The following ZNF518A variants were observed in gnomAD, a reference collection of about 807,000 sequenced individuals.
ZNF518A encodes the protein zinc finger protein 518.
Under a neutral mutation model 102.7 loss-of-function variants are expected in ZNF518A, and 47 were observed. That is an observed-to-expected ratio of 0.46 (90% confidence interval 0.36 to 0.58). The LOEUF (loss-of-function observed/expected upper bound fraction) is 0.58, where lower values mean the gene tolerates loss of function less well. Among genes scored for constraint, ZNF518A ranks in the 20% least tolerant of loss-of-function variants. ZNF518A has a pLI of 0.00. For synonymous variants in ZNF518A, 652 were observed against 594.6 expected, an observed-to-expected ratio of 1.10 and a Z score of -1.40; for missense variants, 1,793 against 1,699.8, an observed-to-expected ratio of 1.05 and a Z score of -0.96.
chr10:96,170,813 A>T (rs587757936), intron 1 of ZNF518A, among the ~76,000 whole-genome samples: 33 of 152,342 alleles, frequency 2.2e-4, no homozygotes, highest in Non-Finnish European at 4.3e-4. Flanking sequence ...GATTGGGAAG[A>T]AATGTTGTAT....
intron 1 of ZNF518A, chr10:96,189,723 A>T: frequency 4.2e-6 from 3 of 721,956 alleles, no homozygotes; most frequent in Non-Finnish European, 7.6e-6. Flanking sequence ...CATCATCATC[A>T]TCATCATCAT....
At chr10:96,192,149 C>T (rs1554893613) in intron 1 of ZNF518A, 2 of 1,600,000 alleles carry the variant, frequency 1.3e-6, no homozygotes, top group Non-Finnish European at 1.7e-6. Context: ...AATTTGAGCT[C>T]CACTCCTCCC....
Position 96,130,341 on chromosome 10 carries a change from G to A in ZNF518A, c.-864G>A, listed in dbSNP as rs1554870972. The stretch of plus-strand genomic sequence containing the variant: ...CTGGAGAAGTCGGGGTTTTTTTGCC[G>A]AGCGCTTTTGCCGACTGCTAGAGCT... On this transcript the variant is annotated 5_prime_UTR_variant, in exon 1 of 6. Coordinates refer to ENST00000316045, the MANE Select transcript of ZNF518A (RefSeq NM_001330736.2). Among the ~76,000 whole-genome samples the A allele has an allele frequency of 1.3e-5, 2 of 152,340 alleles. No individual in the cohort carries two copies. The highest frequency in any genetic ancestry group is 4.8e-5 in the African/African-American group (2 of 41,584).
intron 3 of ZNF518A, among the ~76,000 whole-genome samples, chr10:96,145,103 T>G (rs2082112107): frequency 1.4e-5 from 1 of 73,412 alleles, no homozygotes; most frequent in Non-Finnish European, 3.2e-5. Context: ...GGAGTCTCGC[T>G]CTGTCGCCCA....
In ZNF518A at chr10:96,157,349, A is replaced by G. The variant is rs782057196; in HGVS notation, c.1027A>G (p.Lys343Glu). ...INSGSDRSIE[K>E]NTQVLKKMNK... is the part of the protein sequence containing the mutation. Reference sequence around the variant, plus strand: ...CAGTGGAAGTGACAGAAGTATAGAAAAGAACACTCAAGTGCTTAAGAAAAT... The same window carrying G: ...CAGTGGAAGTGACAGAAGTATAGAAGAGAACACTCAAGTGCTTAAGAAAAT... The change falls in exon 6 of 6, where the codon AAG becomes GAG. Residue 343 changes from lysine to glutamate, a missense_variant. Physicochemically the swap from Lys to Glu is moderately conservative, Grantham distance 56 (BLOSUM62 1). Around this residue, in one of 3 missense-constraint regions of ZNF518A, gnomAD observed 1,741 missense variants for 1,622.6 expected, o/e 1.07. Transcript: ENST00000316045. 1 of 1,610,832 alleles carries G rather than the reference A, an allele frequency of 6.2e-7. No homozygotes were observed. The highest frequency in any genetic ancestry group is 8.5e-7 in the Non-Finnish European group (1 of 1,178,310).
intron 1 of ZNF518A, among the ~76,000 whole-genome samples, chr10:96,174,211 C>G (rs1227199017): frequency 6.6e-6 from 1 of 151,174 alleles, no homozygotes; most frequent in African/African-American, 2.4e-5. Context: ...CCACAATAAA[C>G]AAGAAGAAAG....
intron 1 of ZNF518A, among the ~76,000 whole-genome samples, chr10:96,193,617 C>T (rs1215170830): frequency 6.6e-6 from 1 of 152,152 alleles, no homozygotes; most frequent in African/African-American, 2.4e-5. Flanking sequence ...CCCTCACTCT[C>T]CTTTTTTTCT....
chr10:96,145,665 A>G (rs1350539598), intron 3 of ZNF518A, among the ~76,000 whole-genome samples: 2 of 152,172 alleles, frequency 1.3e-5, no homozygotes, highest in Non-Finnish European at 2.9e-5. Context: ...TGATACCTGT[A>G]TTGTTTTGAT....
At chr10:96,169,708 T>C (rs1217555834) in intron 1 of ZNF518A, among the ~76,000 whole-genome samples, 3 of 152,254 alleles carry the variant, frequency 2.0e-5, no homozygotes, top group Non-Finnish European at 4.4e-5. Context: ...TGGGTCATAC[T>C]TTGCTCTGCA....
intron 1 of ZNF518A, among the ~76,000 whole-genome samples, chr10:96,201,619 G>C (rs2083637669): frequency 6.6e-6 from 1 of 152,218 alleles, no homozygotes; most frequent in South Asian, 2.1e-4. Context: ...ATTATTTTAA[G>C]AGTGTTAAAG....
At chr10:96,195,198 G>A (rs1554894416) in intron 1 of ZNF518A, among the ~76,000 whole-genome samples, 1 of 152,102 alleles carries the variant, frequency 6.6e-6, no homozygotes, top group African/African-American at 2.4e-5. Context: ...TTAAACCCTC[G>A]TGTGCTGTTG....
chr10:96,143,787 T>G (rs1028804567), intron 3 of ZNF518A, among the ~76,000 whole-genome samples: 2 of 152,240 alleles, frequency 1.3e-5, no homozygotes, highest in South Asian at 4.1e-4. Context: ...CCTATTGATT[T>G]GGTTTTCTGG....
At chr10:96,166,759 T>C (rs930141104), downstream of ZNF518A, among the ~76,000 whole-genome samples, 5 of 151,998 alleles carry the variant, frequency 3.3e-5, no homozygotes, top group Non-Finnish European at 7.4e-5. Flanking sequence ...AGAGCGAGAC[T>C]CTGTCTCAAA....
intron 1 of ZNF518A, among the ~76,000 whole-genome samples, chr10:96,184,184 C>A (rs2083257156): frequency 6.6e-6 from 1 of 152,080 alleles, no homozygotes; most frequent in Non-Finnish European, 1.5e-5. Flanking sequence ...TTATTTTGAG[C>A]CTATGTGTGT....
chr10:96,134,091 A>G (rs2081477022), intron 3 of ZNF518A, among the ~76,000 whole-genome samples: 1 of 152,232 alleles, frequency 6.6e-6, no homozygotes, highest in South Asian at 2.1e-4. Context: ...AAACTTTTTG[A>G]GTGCTGACAT....
At chr10:96,199,119 A>C (rs1463150930) in intron 1 of ZNF518A, among the ~76,000 whole-genome samples, 1 of 152,246 alleles carries the variant, frequency 6.6e-6, no homozygotes, top group Non-Finnish European at 1.5e-5. Flanking sequence ...CCACCAAAGG[A>C]CTGACGGAAC....
At chr10:96,139,075 A>G (rs782252003) in intron 3 of ZNF518A, among the ~76,000 whole-genome samples, 10 of 151,866 alleles carry the variant, frequency 6.6e-5, no homozygotes, top group South Asian at 2.1e-4. Context: ...CATTTCAAGT[A>G]GGGAACAGCA....
Position 96,163,033 on chromosome 10 carries a change from A to G in ZNF518A, c.*2259A>G, listed in dbSNP as rs1434190909. 4 of 167,042 alleles carry G rather than the reference A, an allele frequency of 2.4e-5. No individual in the cohort carries two copies. The highest frequency in any genetic ancestry group is 7.2e-5 in the African/African-American group (3 of 41,462). The allele number at this position is 167,042 out of a possible 1,614,324, so 10.3% of individuals were successfully genotyped here. ...GTTACATATAGATCTGTTATGAGAC[A>G]TCACCTGCTGTAAATAGCAAGGAGA... is the stretch of plus-strand genomic sequence containing the variant. On this transcript the variant is annotated 3_prime_UTR_variant, in exon 6 of 6. Transcript: ENST00000316045.
intron 1 of ZNF518A, among the ~76,000 whole-genome samples, chr10:96,184,573 C>T (rs1260226830): frequency 6.6e-6 from 1 of 152,112 alleles, no homozygotes; most frequent in Non-Finnish European, 1.5e-5. Flanking sequence ...CTTAGTTTGG[C>T]TGGATATGAA....
Sources: allele counts gnomAD v4.1 joint callset (sites outside exome capture counted in the v4.1 genomes callset), GRCh38; gene constraint gnomAD v4.1.1; regional missense constraint gnomAD v4.1.1; transcripts MANE v1.5; gene names NCBI Gene and HGNC (gene_info 2026-07-23, HGNC 2026-07-21).